AK8: variants seen among roughly 807,000 people sequenced by gnomAD.
AK8 encodes adenylate kinase 8.
AK8 carries 44 observed loss-of-function variants against 54.6 expected under a neutral mutation model. That is an observed-to-expected ratio of 0.81 (90% confidence interval 0.63 to 1.04). The LOEUF (loss-of-function observed/expected upper bound fraction) is 1.04. AK8 is among the 50% of genes least tolerant of loss of function. The pLI is 0.00. For synonymous variants in AK8, 239 were observed against 245.6 expected (o/e 0.97, Z 0.25); for missense variants, 555 against 613.6 (o/e 0.90, Z 1.01).
rs1182547666 is a variant in AK8 at position 132,803,389 on chromosome 9, C to G, written c.980-10614G>C. Among the ~76,000 whole-genome samples the G allele has an allele frequency of 1.4e-5, 2 of 138,008 alleles. No homozygotes were observed. Among genetic ancestry groups the G allele is most frequent in the African/African-American group, 5.3e-5 (2 of 37,428 alleles). 90.5% of individuals were successfully genotyped at this position (138,008 alleles called of 152,430 possible). ...TGGGAAATAAATAAATATAAAAAAT[C>G]CCCCATATATAAAATATATTCACAC... is the stretch of plus-strand genomic sequence containing the variant. On this transcript the variant is annotated intron_variant, in intron 10 of 12. Coordinates refer to ENST00000298545, the MANE Select transcript of AK8 (RefSeq NM_152572.3). The surrounding 1 kb of genome is among the most constrained non-coding windows in gnomAD (Gnocchi z 4.4).
chr9:132,752,945 G>A (rs931206313), intron 11 of AK8, among the ~76,000 whole-genome samples: 1 of 152,070 alleles, frequency 6.6e-6, no homozygotes, highest in African/African-American at 2.4e-5. Context: ...GTCTAACGTC[G>A]CCTCCTCCCA....
intron 11 of AK8, among the ~76,000 whole-genome samples, chr9:132,740,385 A>G (rs1837314841): frequency 6.6e-6 from 1 of 152,224 alleles, no homozygotes; most frequent in Non-Finnish European, 1.5e-5. Context: ...AAAAAGAGGC[A>G]GAGACTTGAA....
intron 11 of AK8, among the ~76,000 whole-genome samples, chr9:132,735,935 A>G (rs947175524): frequency 6.6e-6 from 1 of 152,230 alleles, no homozygotes; most frequent in Non-Finnish European, 1.5e-5. Flanking sequence ...GCACTTACTC[A>G]TACCTAGTTG....
In AK8 at chr9:132,878,094, C is replaced by A. The variant is rs1355630493; in HGVS notation, c.84+78G>T. On this transcript the variant is annotated intron_variant, in intron 1 of 12. Transcript: ENST00000298545. The surrounding 1 kb of genome is among the most constrained non-coding windows in gnomAD (Gnocchi z 4.7). The stretch of plus-strand genomic sequence containing the variant: ...GCGCGACTCGGCCCCAGCTGCGGGT[C>A]CCGGCCGCGCACCCGACGTCGCAGT... 10 of 1,536,594 alleles carry A rather than the reference C, an allele frequency of 6.5e-6. No individual in the cohort carries two copies. The Middle Eastern group carries it at 5.1e-4, about 79-fold the overall frequency.
chr9:132,818,257 C>A (rs978549205), intron 9 of AK8, among the ~76,000 whole-genome samples: 1 of 152,104 alleles, frequency 6.6e-6, no homozygotes. Context: ...CAGATGGAAA[C>A]CTGGATCTAA....
rs1458107097 is a variant in AK8, at chr9:132,860,800, CA to C, written c.333+2864del. ...AGGTGGCTTCCCGGGTGGGCTCTTGCAGGTCATGGGTTGGTCTCCTGGGTGG... is the reference window on the plus strand; with the variant it reads ...AGGTGGCTTCCCGGGTGGGCTCTTGCGGTCATGGGTTGGTCTCCTGGGTGG... On this transcript the variant is annotated intron_variant, in intron 4 of 12. Coordinates refer to ENST00000298545, the MANE Select transcript of AK8 (RefSeq NM_152572.3). This position sits in a 1 kb window ranked among gnomAD's most constrained non-coding sequence, Gnocchi z 4.4. Among the ~76,000 whole-genome samples the C allele has an allele frequency of 6.6e-6, 1 of 152,192 alleles. No homozygotes were observed. Among genetic ancestry groups the C allele is most frequent in the Non-Finnish European group, 1.5e-5 (1 of 68,042 alleles).
At chr9:132,762,080 G>A (rs1459623314) in intron 11 of AK8, among the ~76,000 whole-genome samples, 1 of 152,106 alleles carries the variant, frequency 6.6e-6, no homozygotes, top group Non-Finnish European at 1.5e-5. Context: ...ATGTTGGCCA[G>A]GCTGGTCTCG....
intron 11 of AK8, among the ~76,000 whole-genome samples, chr9:132,764,211 G>A (rs1456309248): frequency 6.6e-6 from 1 of 152,192 alleles, no homozygotes; most frequent in Non-Finnish European, 1.5e-5. Context: ...TCAGGAGGCT[G>A]TGGTGGGACA....
chr9:132,750,024 C>T (rs939452113), intron 11 of AK8, among the ~76,000 whole-genome samples: 2 of 151,900 alleles, frequency 1.3e-5, no homozygotes, highest in African/African-American at 4.8e-5. Flanking sequence ...TGACAGCACA[C>T]TTATATTGAG....
chr9:132,823,757 C>T (rs1841756139), intron 8 of AK8, among the ~76,000 whole-genome samples: 1 of 152,232 alleles, frequency 6.6e-6, no homozygotes, highest in African/African-American at 2.4e-5. Flanking sequence ...CGGAACTAGG[C>T]TGGTCTCCTA....
chr9:132,831,182 G>T (rs967613965), intron 5 of AK8, among the ~76,000 whole-genome samples: 2 of 151,510 alleles, frequency 1.3e-5, no homozygotes, highest in African/African-American at 4.9e-5. Context: ...AGTAAAATAC[G>T]CTCTCCCTTC....
At chr9:132,872,135 A>G (rs1027224756) in intron 2 of AK8, among the ~76,000 whole-genome samples, 1 of 151,992 alleles carries the variant, frequency 6.6e-6, no homozygotes, top group Non-Finnish European at 1.5e-5. Flanking sequence ...AGGAGCAGGG[A>G]CCAGCCTGGG....
chr9:132,765,802 C>T lies in AK8; in HGVS notation c.1121+26832G>A, dbSNP rs932814732. On this transcript the variant is annotated intron_variant, in intron 11 of 12. Coordinates refer to ENST00000298545, the MANE Select transcript of AK8 (RefSeq NM_152572.3). ...ATAAAACAAGTATGCCCACTCTCATCGCTCTTATTCAATACATTACTGTAA... is the reference window on the plus strand; with the variant it reads ...ATAAAACAAGTATGCCCACTCTCATTGCTCTTATTCAATACATTACTGTAA... Among the ~76,000 whole-genome samples, 48 of 152,148 alleles carry T rather than the reference C, an allele frequency of 3.2e-4. 1 individual carries two copies. Among genetic ancestry groups the T allele is most frequent in the African/African-American group, 1.1e-3 (44 of 41,424 alleles).
chr9:132,770,743 G>A lies in AK8; in HGVS notation c.1121+21891C>T, dbSNP rs1838934817. ...GGAGCCCTGGGGCGCAGTGTGGGGC[G>A]GTCTTGCTCCCTGTTGACCCCCATT... On this transcript the variant is annotated intron_variant, in intron 11 of 12. Coordinates refer to ENST00000298545, the MANE Select transcript of AK8 (RefSeq NM_152572.3). This position sits in a 1 kb window ranked among gnomAD's most constrained non-coding sequence, Gnocchi z 4.3. Among the ~76,000 whole-genome samples, 2 of 152,158 alleles carry A rather than the reference G, an allele frequency of 1.3e-5. No individual in the cohort carries two copies. Among genetic ancestry groups the A allele is most frequent in the South Asian group, 4.1e-4 (2 of 4,830 alleles).
At chr9:132,763,449 G>A (rs1398259222) in intron 11 of AK8, among the ~76,000 whole-genome samples, 4 of 152,166 alleles carry the variant, frequency 2.6e-5, no homozygotes, top group Non-Finnish European at 5.9e-5. Flanking sequence ...TTTAGCCTAA[G>A]GCTGCCATCT....
rs953587480 is a variant in AK8 at position 132,790,011 on chromosome 9, G to A, written c.1121+2623C>T. ...TTGTCATGTAATGTAATATTCAGAC[G>A]CATGACAGCAGGGGGCAAAGGTCCT... On this transcript the variant is annotated intron_variant, in intron 11 of 12. Coordinates refer to ENST00000298545, the MANE Select transcript of AK8 (RefSeq NM_152572.3). The surrounding 1 kb of genome is among the most constrained non-coding windows in gnomAD (Gnocchi z 4.1). Among the ~76,000 whole-genome samples the A allele has an allele frequency of 2.6e-5, 4 of 152,082 alleles. No individual in the cohort carries two copies. The East Asian group carries it at 7.7e-4, about 29-fold the overall frequency.
intron 10 of AK8, among the ~76,000 whole-genome samples, chr9:132,814,223 G>A (rs1267377268): frequency 7.2e-6 from 1 of 139,360 alleles, no homozygotes; most frequent in African/African-American, 2.7e-5. Flanking sequence ...AGGCTGTAGT[G>A]AGCTGAGACT....
At chr9:132,740,042 A>G (rs1254709657) in intron 11 of AK8, among the ~76,000 whole-genome samples, 1 of 152,174 alleles carries the variant, frequency 6.6e-6, no homozygotes, top group Non-Finnish European at 1.5e-5. Flanking sequence ...CATCTAGTAA[A>G]TTTCAAGCTG....
chr9:132,745,997 C>T (rs576095749), intron 11 of AK8, among the ~76,000 whole-genome samples: 22 of 152,078 alleles, frequency 1.4e-4, no homozygotes, highest in Non-Finnish European at 2.5e-4. Flanking sequence ...TTCTGTGAGC[C>T]GAAGGACAGA....
Sources: gnomAD v4.1 joint callset for allele counts (sites outside exome capture counted in the v4.1 genomes callset) on GRCh38, gnomAD v4.1.1 for gene constraint, Gnocchi (gnomAD v3.1) non-coding constraint, MANE v1.5 for transcripts, NCBI Gene and HGNC (gene_info 2026-07-23, HGNC 2026-07-21) for gene names.